CLK1: variants seen among roughly 807,000 people sequenced by gnomAD.
CLK1 encodes the protein dual specificity protein kinase CLK1.
Under a neutral mutation model 60.9 loss-of-function variants are expected in CLK1, and 40 were observed. The observed-to-expected ratio is 0.66, with a 90% CI of 0.51 to 0.86. The LOEUF is 0.86. Among genes scored for constraint, CLK1 ranks in the 40% least tolerant of loss-of-function variants. CLK1 has a pLI of 0.00. For missense variants in CLK1, 563 were observed against 606.1 expected (o/e 0.93, Z 0.75); for synonymous variants, 203 against 184.4 (o/e 1.10, Z -0.82).
chr2:200,864,536 AC>A (rs1364197815), intron 1 of CLK1, 27 bp downstream of exon 1: 1 of 370,436 alleles, frequency 2.7e-6, no homozygotes, highest in Non-Finnish European at 4.9e-6. Context: ...CGGCCCTGTC[AC>A]CTAGTCCGCT....
chr2:200,862,136 A>C (rs565165843), intron 1 of CLK1, among the ~76,000 whole-genome samples: 1 of 150,906 alleles, frequency 6.6e-6, no homozygotes, highest in African/African-American at 2.4e-5. Context: ...TAGAGGGAGG[A>C]ATCACAATTT....
intron 1 of CLK1, chr2:200,864,363 G>T: frequency 8.3e-7 from 1 of 1,206,122 alleles, no homozygotes; most frequent in Non-Finnish European, 1.1e-6. Context: ...ACCCCCGCAG[G>T]CCGGATCCGG....
rs1454267112 is a variant in CLK1 at position 200,853,926 on chromosome 2, A to C, written c.1288T>G (p.Ser430Ala). The C allele has an allele frequency of 4.3e-6, 7 of 1,612,438 alleles. No individual in the cohort carries two copies. Among genetic ancestry groups the C allele is most frequent in the Non-Finnish European group, 5.9e-6 (7 of 1,179,250 alleles). ...DEHSSAGRYV[S>A]RRCKPLKEFM... ...ACCTTCAGAGGTTTACAGCGTCTTG[A>C]AACATATCTGCCGGCAGAACTGTGT... is the stretch of plus-strand genomic sequence containing the variant. The change falls in exon 12 of 13, where the codon TCA (serine) becomes GCA (alanine). Residue 430 changes from serine (S) to alanine (A), a missense_variant. By Grantham distance (99) the Ser-to-Ala change is moderately conservative. This residue lies in a region of CLK1 where 360 missense variants were observed against 407.0 expected (regional missense o/e 0.88). Transcript: ENST00000321356.
chr2:200,853,813 C>T (rs2038991953), intron 12 of CLK1, 90 bp downstream of exon 12: 4 of 1,013,364 alleles, frequency 3.9e-6, no homozygotes, highest in Non-Finnish European at 5.9e-6. Flanking sequence ...CCACTCTACT[C>T]CAGCCTGGAC....
intron 3 of CLK1, 175 bp downstream of exon 3, chr2:200,861,063 G>A (rs974135839): frequency 1.8e-5 from 26 of 1,416,336 alleles, no homozygotes; most frequent in African/African-American, 2.9e-5. Flanking sequence ...AGAACTAAAT[G>A]TGTACTTTAT....
At chr2:200,862,360 C>A (rs1353985215) in intron 1 of CLK1, among the ~76,000 whole-genome samples, 1 of 152,094 alleles carries the variant, frequency 6.6e-6, no homozygotes, top group African/African-American at 2.4e-5. Flanking sequence ...TTATTTCTGC[C>A]CCAACCTAAC....
At chr2:200,859,165 G>C (rs2039094249) in intron 5 of CLK1, among the ~76,000 whole-genome samples, 1 of 152,016 alleles carries the variant, frequency 6.6e-6, no homozygotes, top group Non-Finnish European at 1.5e-5. Context: ...CTGGGTGACA[G>C]AGCGAGACTC....
chr2:200,864,346 C>G (rs916814340), intron 1 of CLK1: 1 of 1,296,548 alleles, frequency 7.7e-7, no homozygotes, highest in Admixed American at 3.2e-5. Context: ...TAGCAAACAC[C>G]GTAACTACCC....
intron 11 of CLK1, chr2:200,854,233 TA>T (rs951573871): frequency 7.0e-3 from 2,378 of 337,662 alleles, no homozygotes; most frequent in South Asian, 9.5e-3. Flanking sequence ...AGTGAAAATT[TA>T]AAAAAAAAAA....
chr2:200,853,881 G>A (rs549412511), intron 12 of CLK1, 22 bp downstream of exon 12: 1 of 1,554,732 alleles, frequency 6.4e-7, no homozygotes, highest in East Asian at 2.3e-5. Flanking sequence ...TTGACTATTT[G>A]AGCAATGTCT....
Position 200,858,253 on chromosome 2 carries a change from T to G in CLK1, c.549-164A>C. ...TACATGCTGAATGACACAAATTTCT[T>G]TCATCAAACCACCACTCACATGAGT... On this transcript the variant is annotated intron_variant, in intron 5 of 12. Coordinates refer to ENST00000321356, the MANE Select transcript of CLK1 (RefSeq NM_004071.4). The G allele has an allele frequency of 9.6e-6, 6 of 626,384 alleles. No individual in the cohort carries two copies. In the South Asian group the frequency reaches 1.1e-4, roughly 12 times the overall value. 38.8% of individuals were successfully genotyped at this position (626,384 alleles called of 1,614,324 possible).
intron 9 of CLK1, among the ~76,000 whole-genome samples, chr2:200,856,457 T>G (rs2039046325): frequency 6.6e-6 from 1 of 152,132 alleles, no homozygotes; most frequent in Non-Finnish European, 1.5e-5. Context: ...CCCTACCACA[T>G]ATTACAAATG....
intron 3 of CLK1, 53 bp from the exon 4 acceptor site, chr2:200,860,268 G>C (rs2039116035): frequency 6.2e-7 from 1 of 1,611,204 alleles, no homozygotes; most frequent in Non-Finnish European, 8.5e-7. Flanking sequence ...CAATATACCC[G>C]AGTGAATTCA....
chr2:200,854,582 G>A, intron 11 of CLK1, 34 bp downstream of exon 11: 1 of 1,185,620 alleles, frequency 8.4e-7, no homozygotes, highest in Middle Eastern at 1.9e-4. Context: ...GTGATCAAAT[G>A]ATACTAAGGA....
At chr2:200,854,589 A>T in intron 11 of CLK1, 27 bp downstream of exon 11, 1 of 1,352,172 alleles carries the variant, frequency 7.4e-7, no homozygotes, top group Non-Finnish European at 1.1e-6. Flanking sequence ...AATGATACTA[A>T]GGATGTCACT....
intron 5 of CLK1, among the ~76,000 whole-genome samples, chr2:200,858,462 CGAGGGTAGTAAATCACTTGAGGTCA>C (rs962043530): frequency 6.6e-6 from 1 of 151,688 alleles, no homozygotes; most frequent in African/African-American, 2.4e-5. Flanking sequence ...TTTGGGAGGC[CGAGGGTAGTAAATCACTTGAGGTCA>C]GAAGTTCGAG....
chr2:200,863,114 G>A (rs568897622), intron 1 of CLK1: 36 of 152,006 alleles, frequency 2.4e-4, no homozygotes, highest in Non-Finnish European at 3.8e-4. Context: ...TCTTACCGGC[G>A]GGACCCCTCT....
intron 1 of CLK1, among the ~76,000 whole-genome samples, chr2:200,863,835 CAG>C (rs1192365367): frequency 4.6e-5 from 7 of 152,250 alleles, no homozygotes; most frequent in African/African-American, 1.2e-4. Flanking sequence ...GCCTGGGCGA[CAG>C]AGCGAGACTC....
At chr2:200,853,834 G>C in intron 12 of CLK1, 69 bp downstream of exon 12, 2 of 1,247,500 alleles carry the variant, frequency 1.6e-6, no homozygotes, top group South Asian at 2.6e-5. Context: ...AACGAAGCAA[G>C]GCTCGGTCTC....
Sources: allele counts gnomAD v4.1 joint callset (sites outside exome capture counted in the v4.1 genomes callset), GRCh38; gene constraint gnomAD v4.1.1; regional missense constraint gnomAD v4.1.1; transcripts MANE v1.5; gene names NCBI Gene and HGNC (gene_info 2026-07-23, HGNC 2026-07-21).